DNAH5: variants seen among roughly 807,000 people sequenced by gnomAD.
DNAH5 encodes the protein axonemal beta dynein heavy chain 5.
In DNAH5, 372 loss-of-function variants were observed where a neutral mutation model predicts 518.2. The ratio of observed to expected loss-of-function variants is 0.72; its 90% CI spans 0.66 to 0.78. The LOEUF is 0.78. Among genes scored for constraint, DNAH5 ranks in the 30% least tolerant of loss-of-function variants. The probability of loss-of-function intolerance (pLI) is 0.00; values close to 1 mark genes in which losing one functional copy is unlikely to be tolerated. For missense variants in DNAH5, 5,523 were observed against 5,687.0 expected (o/e 0.97, Z 0.93); for synonymous variants, 2,039 against 2,025.9 (o/e 1.01, Z -0.17).
At chr5:13,935,120 AAAG>A (rs957024534) in intron 1 of DNAH5, among the ~76,000 whole-genome samples, 4 of 152,214 alleles carry the variant, frequency 2.6e-5, no homozygotes, top group African/African-American at 9.6e-5. Context: ...ACTAAAAATA[AAAG>A]AAGTAGACAG....
chr5:13,817,780 G>T (rs1761648594), intron 41 of DNAH5, 86 bp from the exon 42 acceptor site: 2 of 1,257,618 alleles, frequency 1.6e-6, no homozygotes, highest in Non-Finnish European at 2.3e-6. Flanking sequence ...GTGGTGTACT[G>T]TCAGCAGGTG....
At chr5:13,997,212 T>C (rs910252232) in intron 1 of DNAH5, among the ~76,000 whole-genome samples, 12 of 152,258 alleles carry the variant, frequency 7.9e-5, no homozygotes, top group African/African-American at 2.7e-4. Flanking sequence ...TGCTTCCCTT[T>C]TGATTATAAA....
intron 65 of DNAH5, among the ~76,000 whole-genome samples, chr5:13,746,779 C>T (rs1690696117): frequency 1.3e-5 from 2 of 152,132 alleles, no homozygotes; most frequent in East Asian, 1.9e-4. Flanking sequence ...TTTTCTTTTA[C>T]CCTTGGCTCA....
At chr5:13,900,015 A>G (rs1774372621) in intron 15 of DNAH5, 191 bp downstream of exon 15, 9 of 598,134 alleles carry the variant, frequency 1.5e-5, no homozygotes, top group East Asian at 5.6e-5. Flanking sequence ...CAAGCTTCTC[A>G]TCTTGGCCTG....
chr5:13,900,132 A>C (rs1202113318), intron 15 of DNAH5, 74 bp downstream of exon 15: 1 of 1,312,238 alleles, frequency 7.6e-7, no homozygotes, highest in African/African-American at 1.5e-5. Context: ...CTTGAATATG[A>C]CACATCACCA....
At chr5:13,986,699 G>A (rs955415866) in intron 1 of DNAH5, among the ~76,000 whole-genome samples, 8 of 152,080 alleles carry the variant, frequency 5.3e-5, no homozygotes, top group East Asian at 1.9e-4. Context: ...GTAATTCCCC[G>A]AGACAACCCT....
At chr5:13,778,517 G>GGGT (rs1754468127) in intron 53 of DNAH5, among the ~76,000 whole-genome samples, 1 of 106,188 alleles carries the variant, frequency 9.4e-6, no homozygotes, top group African/African-American at 3.4e-5. Context: ...GGAGGGAGGG[G>GGGT]AGAGAAAGTG....
chr5:13,834,162 G>A (rs185645738), intron 35 of DNAH5, among the ~76,000 whole-genome samples: 19 of 152,256 alleles, frequency 1.2e-4, no homozygotes, highest in African/African-American at 3.6e-4. Flanking sequence ...AGGGTAAACA[G>A]ACAAACTTCA....
At position 13,733,708 on chromosome 5, in the gene DNAH5, T is replaced by TAC. The variant is rs141216653; in HGVS notation, c.11761+1421_11761+1422dup. 6.5e-3 allele frequency among the ~76,000 whole-genome samples: 985 copies of TAC among 152,176 alleles called. 9 individuals are homozygous for TAC. Among genetic ancestry groups the TAC allele is most frequent in the African/African-American group, 0.023 (940 of 41,510 alleles). Reference sequence around the variant, plus strand: ...TTGTTGCTACTATAAGATATATATATACACACACACATATGCATATGTATA... The same window carrying TAC: ...TTGTTGCTACTATAAGATATATATATACACACACACACATATGCATATGTATA... On this transcript the variant is annotated intron_variant, in intron 68 of 78. Transcript: ENST00000265104.
Position 13,885,231 on chromosome 5 carries a change from G to C in DNAH5, c.2744-3C>G. 1 of 1,613,886 alleles carries C rather than the reference G, an allele frequency of 6.2e-7. No homozygotes were observed. ...AAAATTTCCTTCTTCTCTTTTTGCT[G>C]TTACAAGATGAAAGAGATAGAGATA... On this transcript the variant is annotated splice_polypyrimidine_tract_variant and splice_region_variant and intron_variant, in intron 18 of 78. Coordinates refer to ENST00000265104, the MANE Select transcript of DNAH5 (RefSeq NM_001369.3).
At chr5:13,830,269 G>T (rs1763469273) in intron 36 of DNAH5, 56 bp from the exon 37 acceptor site, 1 of 1,497,992 alleles carries the variant, frequency 6.7e-7, no homozygotes. Context: ...AGAAAACCAA[G>T]AAAAAGGATA....
At chr5:13,783,691 T>G (rs767194487) in intron 52 of DNAH5, among the ~76,000 whole-genome samples, 6 of 152,048 alleles carry the variant, frequency 3.9e-5, no homozygotes, top group Admixed American at 3.9e-4. Context: ...TGAAAGAAAA[T>G]TGAGTTTCTA....
intron 65 of DNAH5, among the ~76,000 whole-genome samples, chr5:13,742,471 A>G (rs974536521): frequency 6.6e-6 from 1 of 152,126 alleles, no homozygotes; most frequent in Non-Finnish European, 1.5e-5. Context: ...TATAGTTGGC[A>G]AAACCTGTCA....
At chr5:13,985,801 G>A (rs1011147363) in intron 1 of DNAH5, among the ~76,000 whole-genome samples, 1 of 152,120 alleles carries the variant, frequency 6.6e-6, no homozygotes, top group African/African-American at 2.4e-5. Flanking sequence ...CCACAGCCCA[G>A]TTAACAACAG....
chr5:13,808,818 G>C (rs368981287), intron 46 of DNAH5, among the ~76,000 whole-genome samples: 8 of 152,140 alleles, frequency 5.3e-5, no homozygotes, highest in African/African-American at 1.9e-4. Flanking sequence ...AAATTAGCCA[G>C]GCATGGTGGT....
chr5:13,782,441 G>A (rs1185013442), intron 52 of DNAH5, among the ~76,000 whole-genome samples: 1 of 152,164 alleles, frequency 6.6e-6, no homozygotes, highest in African/African-American at 2.4e-5. Context: ...CATATGCCCT[G>A]TTTTTCCAGC....
chr5:13,954,842 A>G (rs173090), intron 1 of DNAH5, among the ~76,000 whole-genome samples: 49,498 of 151,952 alleles, frequency 0.33, 8,689 homozygotes, highest in East Asian at 0.73. Context: ...TTCTCTTTTA[A>G]CCTCCCTGGC....
chr5:13,809,169 T>C lies in DNAH5; in HGVS notation c.7627A>G (p.Asn2543Asp), dbSNP rs1171063185. ...TACAGGTATTCCTGGGTACGCGTGT[T>C]CCAGTGCGTCCATGTACCTAAGGTG... ...VAPDGTWTHW[N>D]TRTQEYLYPS... Residue 2543 changes from asparagine to aspartate, a missense_variant, in exon 46 of 79, where the codon AAC (asparagine) becomes GAC (aspartate). Around this residue, in one of 3 missense-constraint regions of DNAH5, gnomAD observed 5,121 missense variants for 5,223.3 expected, o/e 0.98. Transcript: ENST00000265104. 2 of 1,614,156 alleles carry C rather than the reference T, an allele frequency of 1.2e-6. No homozygotes were observed. Among genetic ancestry groups the C allele is most frequent in the South Asian group, 2.2e-5 (2 of 91,084 alleles).
At chr5:13,817,250 C>T (rs1761563688) in intron 42 of DNAH5, among the ~76,000 whole-genome samples, 1 of 152,172 alleles carries the variant, frequency 6.6e-6, no homozygotes, top group Admixed American at 6.5e-5. Context: ...GGTAAAATCA[C>T]TTTATTCAAT....
Sources: gnomAD v4.1 joint callset for allele counts (sites outside exome capture counted in the v4.1 genomes callset) on GRCh38, gnomAD v4.1.1 for gene constraint, gnomAD v4.1.1 regional missense constraint, MANE v1.5 for transcripts, NCBI Gene and HGNC (gene_info 2026-07-23, HGNC 2026-07-21) for gene names.